TTC28: variants seen among roughly 807,000 people sequenced by gnomAD.
TTC28 encodes tetratricopeptide repeat protein 28.
TTC28 carries 61 observed loss-of-function variants against 198.0 expected under a neutral mutation model. The ratio of observed to expected loss-of-function variants is 0.31; its 90% confidence interval spans 0.25 to 0.38. The LOEUF (loss-of-function observed/expected upper bound fraction) is 0.38, where lower values mean the gene tolerates loss of function less well. TTC28 is among the 10% of genes least tolerant of loss of function. The pLI is 1.00. For missense variants in TTC28, 2,678 were observed against 3,164.0 expected, an observed-to-expected ratio of 0.85 and a Z score of 3.69; for synonymous variants, 1,171 against 1,297.8, an observed-to-expected ratio of 0.90 and a Z score of 2.10.
rs1282974851 is a variant in TTC28 at position 27,980,832 on chromosome 22, T to C, written c.*1389A>G. 6.6e-6 allele frequency: 1 copy of C among 152,284 alleles called. No individual in the cohort carries two copies. The highest frequency in any genetic ancestry group is 1.5e-5 in the Non-Finnish European group (1 of 68,062). 9.4% of individuals were successfully genotyped at this position (152,284 alleles called of 1,614,324 possible). ...CCCTAACTAGATGATTCCCTTGTCTTGCCTCAAGCTGGCAACAATTTAAGT... is the reference window on the plus strand; with the variant it reads ...CCCTAACTAGATGATTCCCTTGTCTCGCCTCAAGCTGGCAACAATTTAAGT... On this transcript the variant is annotated 3_prime_UTR_variant, in exon 23 of 23. Coordinates refer to ENST00000397906, the MANE Select transcript of TTC28 (RefSeq NM_001145418.2).
intron 2 of TTC28, among the ~76,000 whole-genome samples, chr22:28,326,404 C>A (rs1318855873): frequency 6.6e-6 from 1 of 152,050 alleles, no homozygotes; most frequent in Non-Finnish European, 1.5e-5. Flanking sequence ...ACTACACACA[C>A]AAACAAGTCA....
intron 12 of TTC28, among the ~76,000 whole-genome samples, chr22:28,092,877 A>C (rs532069791): frequency 6.6e-6 from 1 of 152,350 alleles, no homozygotes; most frequent in African/African-American, 2.4e-5. Context: ...CACGTGTGCA[A>C]GTGGCTAAAG....
chr22:28,423,874 A>G (rs2047304963), intron 2 of TTC28, among the ~76,000 whole-genome samples: 1 of 152,256 alleles, frequency 6.6e-6, no homozygotes, highest in Non-Finnish European at 1.5e-5. Flanking sequence ...ATGCTTCAGC[A>G]AAATCACAAA....
At chr22:28,236,738 A>G (rs978529421) in intron 5 of TTC28, among the ~76,000 whole-genome samples, 1 of 152,186 alleles carries the variant, frequency 6.6e-6, no homozygotes, top group African/African-American at 2.4e-5. Context: ...AACACTTTAA[A>G]TTCCAGCGTA....
intron 2 of TTC28, among the ~76,000 whole-genome samples, chr22:28,318,676 A>T (rs577110263): frequency 2.0e-5 from 3 of 152,276 alleles, no homozygotes; most frequent in African/African-American, 7.2e-5. Context: ...TTGTATTTTT[A>T]TACTAGTAAG....
intron 5 of TTC28, among the ~76,000 whole-genome samples, chr22:28,169,987 C>T (rs1461075876): frequency 2.6e-5 from 4 of 152,032 alleles, no homozygotes; most frequent in Non-Finnish European, 4.4e-5. Flanking sequence ...CAGACCTACG[C>T]AGAATTGATA....
chr22:28,296,563 C>G (rs2044900512), intron 4 of TTC28, among the ~76,000 whole-genome samples: 1 of 152,118 alleles, frequency 6.6e-6, no homozygotes, highest in Admixed American at 6.6e-5. Context: ...CAACTGCAGA[C>G]AGGGACTTAG....
At chr22:28,402,655 T>C (rs921855229) in intron 2 of TTC28, among the ~76,000 whole-genome samples, 9 of 152,222 alleles carry the variant, frequency 5.9e-5, no homozygotes, top group Admixed American at 1.3e-4. Context: ...CTCAGATCAC[T>C]ATGTAGTAAT....
At position 28,679,775 on chromosome 22, in the gene TTC28, G is replaced by GGC. The variant is rs1233128309; in HGVS notation, c.-54_-53dup. The GGC allele has an allele frequency of 3.0e-5, 31 of 1,027,170 alleles. No individual in the cohort carries two copies. The highest frequency in any genetic ancestry group is 9.3e-5 in the Admixed American group (2 of 21,398). 63.6% of individuals were successfully genotyped at this position (1,027,170 alleles called of 1,614,324 possible). On this transcript the variant is annotated 5_prime_UTR_variant, in exon 1 of 23. It removes the in-frame stop codon of an upstream open reading frame in the 5' UTR. Transcript: ENST00000397906. The stretch of plus-strand genomic sequence containing the variant: ...CTCGAGCTAACGGTCCCGCCAGCTA[G>GGC]GCGCGCGCGCCGGTTCCGCGCGCCA...
intron 6 of TTC28, among the ~76,000 whole-genome samples, chr22:28,142,423 C>T (rs1403537542): frequency 6.6e-6 from 1 of 152,178 alleles, no homozygotes; most frequent in Non-Finnish European, 1.5e-5. Flanking sequence ...TTTATAATTA[C>T]CCAAATTCTC....
At chr22:28,327,250 C>A in intron 2 of TTC28, among the ~76,000 whole-genome samples, 1 of 152,170 alleles carries the variant, frequency 6.6e-6, no homozygotes, top group Non-Finnish European at 1.5e-5. Flanking sequence ...CGTACATTCA[C>A]CTAATTATTA....
At chr22:28,535,827 T>C (rs2049257004) in intron 2 of TTC28, among the ~76,000 whole-genome samples, 3 of 151,986 alleles carry the variant, frequency 2.0e-5, no homozygotes, top group Admixed American at 2.0e-4. Flanking sequence ...TCAACCATGA[T>C]TGTAAGTTTC....
Position 28,632,058 on chromosome 22 carries a change from T to C in TTC28, c.103-2228A>G, listed in dbSNP as rs566089918. Among the ~76,000 whole-genome samples the C allele has an allele frequency of 1.3e-4, 20 of 151,868 alleles. No individual in the cohort carries two copies. In the South Asian group the frequency reaches 1.9e-3, roughly 14 times the overall value. Reference sequence around the variant, plus strand: ...CAATAGGCCAACATATACAAAGAAATAGACTCCTCAAAGAAGTATTTTTAT... The same window carrying C: ...CAATAGGCCAACATATACAAAGAAACAGACTCCTCAAAGAAGTATTTTTAT... On this transcript the variant is annotated intron_variant, in intron 1 of 22. Coordinates refer to ENST00000397906, the MANE Select transcript of TTC28 (RefSeq NM_001145418.2).
intron 5 of TTC28, among the ~76,000 whole-genome samples, chr22:28,245,845 C>T (rs1264590012): frequency 2.0e-5 from 3 of 152,196 alleles, no homozygotes; most frequent in Non-Finnish European, 4.4e-5. Context: ...AGGCTCCTTT[C>T]CAATCTTAGC....
intron 2 of TTC28, among the ~76,000 whole-genome samples, chr22:28,369,934 C>T (rs1414715642): frequency 1.3e-5 from 2 of 152,024 alleles, no homozygotes; most frequent in South Asian, 4.1e-4. Context: ...CAAAATGTAT[C>T]CCTTCTGTTC....
intron 2 of TTC28, among the ~76,000 whole-genome samples, chr22:28,511,154 CT>C (rs1454729028): frequency 3.9e-5 from 6 of 152,112 alleles, no homozygotes; most frequent in African/African-American, 1.4e-4. Context: ...TTAGGAAAAA[CT>C]ATTTTAAAAT....
intron 5 of TTC28, among the ~76,000 whole-genome samples, chr22:28,241,854 G>T (rs1159477907): frequency 1.3e-5 from 2 of 152,012 alleles, no homozygotes; most frequent in African/African-American, 4.8e-5. Context: ...ATAGAGAAAG[G>T]GAAATAAAAT....
At chr22:28,345,195 A>G (rs1331225441) in intron 2 of TTC28, among the ~76,000 whole-genome samples, 1 of 152,226 alleles carries the variant, frequency 6.6e-6, no homozygotes, top group Non-Finnish European at 1.5e-5. Context: ...AACTGAAATT[A>G]AAAAGAAAAT....
chr22:28,364,701 G>A (rs2046216232), intron 2 of TTC28, among the ~76,000 whole-genome samples: 1 of 152,196 alleles, frequency 6.6e-6, no homozygotes, highest in Non-Finnish European at 1.5e-5. Context: ...AGTATTAACT[G>A]CAGATGTGTT....
Sources: gnomAD v4.1 joint callset for allele counts (sites outside exome capture counted in the v4.1 genomes callset) on GRCh38, gnomAD v4.1.1 for gene constraint, MANE v1.5 for transcripts, NCBI Gene and HGNC (gene_info 2026-07-23, HGNC 2026-07-21) for gene names.